Variants in PPP2CA observed in about 807,000 individuals in gnomAD.
PPP2CA encodes the protein serine/threonine-protein phosphatase 2A catalytic subunit alpha isoform.
A neutral mutation model predicts 38.8 loss-of-function variants in PPP2CA; 5 were observed. The ratio of observed to expected loss-of-function variants is 0.13; its 90% CI spans 0.07 to 0.27. The LOEUF (loss-of-function observed/expected upper bound fraction) is 0.27. Among genes scored for constraint, PPP2CA ranks in the 10% least tolerant of loss-of-function variants. PPP2CA has a pLI of 1.00. For synonymous variants in PPP2CA, 152 were observed against 134.0 expected (o/e 1.13, Z -0.93); for missense variants, 88 against 389.7 (o/e 0.23, Z 6.52).
intron 1 of PPP2CA, among the ~76,000 whole-genome samples, chr5:134,219,355 G>C (rs536370579): frequency 6.6e-6 from 1 of 152,188 alleles, no homozygotes; most frequent in Non-Finnish European, 1.5e-5. Flanking sequence ...ACTGTCACAC[G>C]ATAGCATCAA....
intron 5 of PPP2CA, 128 bp from the exon 6 acceptor site, chr5:134,199,332 C>T (rs1353437384): frequency 8.9e-6 from 6 of 670,518 alleles, no homozygotes; most frequent in Middle Eastern, 5.1e-4. Context: ...AATGTTAATG[C>T]TTTTTTTCTG....
At chr5:134,218,284 A>G (rs1348320389) in intron 1 of PPP2CA, among the ~76,000 whole-genome samples, 1 of 152,246 alleles carries the variant, frequency 6.6e-6, no homozygotes, top group African/African-American at 2.4e-5. Context: ...GACCTAAATA[A>G]AAGAAAAATG....
At chr5:134,201,810 C>G (rs1195849690) in intron 3 of PPP2CA, 38 bp downstream of exon 3, 1 of 1,591,352 alleles carries the variant, frequency 6.3e-7, no homozygotes, top group Non-Finnish European at 8.6e-7. Context: ...AAAGCAGATT[C>G]TCTGAAATAA....
chr5:134,208,931 C>G (rs987100688), intron 1 of PPP2CA, among the ~76,000 whole-genome samples: 4 of 152,140 alleles, frequency 2.6e-5, no homozygotes, highest in Non-Finnish European at 5.9e-5. Context: ...GAGTATTCCC[C>G]TGACCAATTA....
intron 1 of PPP2CA, among the ~76,000 whole-genome samples, chr5:134,218,813 C>A (rs2267937): frequency 6.6e-6 from 1 of 151,922 alleles, no homozygotes; most frequent in Non-Finnish European, 1.5e-5. Flanking sequence ...GGACTACAGG[C>A]GCCCACCACC....
At chr5:134,213,079 A>G (rs1418489653) in intron 1 of PPP2CA, among the ~76,000 whole-genome samples, 2 of 152,236 alleles carry the variant, frequency 1.3e-5, no homozygotes, top group African/African-American at 4.8e-5. Flanking sequence ...AGGTGGTTGC[A>G]CTAAACAACA....
Position 134,195,465 on chromosome 5 carries a change from C to G in PPP2CA, c.*2307G>C, listed in dbSNP as rs536619262. The G allele has an allele frequency of 1.3e-5, 2 of 152,344 alleles. No homozygotes were observed. Among genetic ancestry groups the G allele is most frequent in the African/African-American group, 4.8e-5 (2 of 41,546 alleles). The allele number at this position is 152,344 out of a possible 1,614,324, so 9.4% of individuals were successfully genotyped here. A position where few individuals can be genotyped will look rare whatever the true frequency, so the allele number is the denominator to read the frequency against. ...GTTTTGCCATGTTGGCCAGGCTGCT[C>G]TTCAACTCCTGACCTCAAGGGATCC... is the stretch of plus-strand genomic sequence containing the variant. On this transcript the variant is annotated 3_prime_UTR_variant, in exon 7 of 7. Transcript: ENST00000481195.
At position 134,194,554 on chromosome 5, in the gene PPP2CA, T is replaced by C. The variant is rs1029823138; in HGVS notation, c.*3218A>G. 1.3e-5 allele frequency: 2 copies of C among 152,278 alleles called. No individual in the cohort carries two copies. The highest frequency in any genetic ancestry group is 4.8e-5 in the African/African-American group (2 of 41,464). 9.4% of individuals were successfully genotyped at this position (152,278 alleles called of 1,614,324 possible). On this transcript the variant is annotated 3_prime_UTR_variant, in exon 7 of 7. Coordinates refer to ENST00000481195, the MANE Select transcript of PPP2CA (RefSeq NM_002715.4). Reference sequence around the variant, plus strand: ...CATTTTAATTCCTTATCAACATCCATGAACCACCACCATGTATCCCAATTT... The same window carrying C: ...CATTTTAATTCCTTATCAACATCCACGAACCACCACCATGTATCCCAATTT...
At chr5:134,219,910 C>G (rs1762400917) in intron 1 of PPP2CA, among the ~76,000 whole-genome samples, 1 of 150,250 alleles carries the variant, frequency 6.7e-6, no homozygotes, top group African/African-American at 2.5e-5. Flanking sequence ...ACTCAGGAGG[C>G]TGAGGCAGGA....
intron 1 of PPP2CA, among the ~76,000 whole-genome samples, chr5:134,214,306 A>C (rs1335830235): frequency 1.3e-5 from 2 of 152,200 alleles, no homozygotes; most frequent in Non-Finnish European, 2.9e-5. Context: ...TTTGTGTCCT[A>C]AAGTTTCATA....
chr5:134,214,971 T>C (rs904286395), intron 1 of PPP2CA, among the ~76,000 whole-genome samples: 4 of 152,268 alleles, frequency 2.6e-5, no homozygotes, highest in African/African-American at 9.6e-5. Context: ...ACTTGCATCG[T>C]TAACATTATG....
At chr5:134,216,995 T>C (rs1762334349) in intron 1 of PPP2CA, among the ~76,000 whole-genome samples, 2 of 152,186 alleles carry the variant, frequency 1.3e-5, no homozygotes, top group South Asian at 2.1e-4. Context: ...AAAAGTCTGA[T>C]TATTGGCCGG....
intron 1 of PPP2CA, among the ~76,000 whole-genome samples, chr5:134,220,010 C>CAAAAAAAAAAAAAAA: frequency 9.7e-6 from 1 of 103,520 alleles, no homozygotes; most frequent in African/African-American, 3.6e-5. Context: ...GGCTCCGTAT[C>CAAAAAAAAAAAAAAA]AAAAAAAAAA....
At chr5:134,200,299 A>T (rs954493646) in intron 5 of PPP2CA, 36 bp downstream of exon 5, 2 of 1,557,690 alleles carry the variant, frequency 1.3e-6, no homozygotes, top group Non-Finnish European at 1.7e-6. Flanking sequence ...TAAGTTTACT[A>T]AAAAAACAAG....
intron 1 of PPP2CA, among the ~76,000 whole-genome samples, chr5:134,218,814 G>A (rs1168059302): frequency 2.0e-5 from 3 of 151,904 alleles, no homozygotes; most frequent in African/African-American, 2.4e-5. Context: ...GACTACAGGC[G>A]CCCACCACCA....
intron 2 of PPP2CA, among the ~76,000 whole-genome samples, chr5:134,203,168 T>G (rs964481801): frequency 6.6e-5 from 10 of 152,216 alleles, no homozygotes; most frequent in African/African-American, 2.4e-4. Context: ...AATCTTAATT[T>G]TGATAAAGTC....
Position 134,206,151 on chromosome 5 carries a change from A to G in PPP2CA, c.103-20T>C. ...TTTAGCCTACAGATGGGAGACAAAA[A>G]TAAGGCAATACATTTGGCATTAAAC... is the stretch of plus-strand genomic sequence containing the variant. On this transcript the variant is annotated intron_variant, in intron 1 of 6. Coordinates refer to ENST00000481195, the MANE Select transcript of PPP2CA (RefSeq NM_002715.4). 6.3e-7 allele frequency: 1 copy of G among 1,579,540 alleles called. No individual in the cohort carries two copies. Among genetic ancestry groups the G allele is most frequent in the Non-Finnish European group, 8.7e-7 (1 of 1,149,220 alleles).
rs892139698 is a variant in PPP2CA, at chr5:134,201,796, A to G, written c.486+52T>C. The stretch of plus-strand genomic sequence containing the variant: ...AAAGAGTCATAAGCACCTGAACACT[A>G]AAGAAAGCAGATTCTCTGAAATAAT... On this transcript the variant is annotated intron_variant, in intron 3 of 6. Transcript: ENST00000481195. 5 of 1,574,002 alleles carry G rather than the reference A, an allele frequency of 3.2e-6. No individual in the cohort carries two copies. The African/African-American group carries it at 6.8e-5, about 22-fold the overall frequency.
intron 1 of PPP2CA, among the ~76,000 whole-genome samples, chr5:134,210,861 T>C (rs1762189985): frequency 6.6e-6 from 1 of 152,184 alleles, no homozygotes; most frequent in South Asian, 2.1e-4. Flanking sequence ...CTGGTTTTGA[T>C]TTATCAGAAC....
Sources: allele counts gnomAD v4.1 joint callset (sites outside exome capture counted in the v4.1 genomes callset), GRCh38; gene constraint gnomAD v4.1.1; transcripts MANE v1.5; gene names NCBI Gene and HGNC (gene_info 2026-07-23, HGNC 2026-07-21).